COX6B1: variants seen among roughly 807,000 people sequenced by gnomAD.
The protein encoded by COX6B1 is cytochrome c oxidase subunit 6B1.
Under a neutral mutation model 14.0 loss-of-function variants are expected in COX6B1, and 2 were observed. The observed-to-expected ratio is 0.14, with a 90% CI of 0.06 to 0.45. The LOEUF (loss-of-function observed/expected upper bound fraction) is 0.45, where lower values mean the gene tolerates loss of function less well. COX6B1 is among the 20% of genes least tolerant of loss of function. COX6B1 has a pLI of 0.98. For missense variants in COX6B1, 81 were observed against 114.2 expected, an observed-to-expected ratio of 0.71 and a Z score of 1.33; for synonymous variants, 30 against 39.7, an observed-to-expected ratio of 0.76 and a Z score of 0.92.
intron 2 of COX6B1, among the ~76,000 whole-genome samples, chr19:35,652,609 TA>T (rs1967839036): frequency 7.8e-6 from 1 of 127,986 alleles, no homozygotes. Context: ...TAATTTTTTG[TA>T]TTTTTTTTTT....
Position 35,658,768 on chromosome 19 carries a change from T to C in COX6B1, c.*121T>C. The C allele has an allele frequency of 2.1e-6, 2 of 930,488 alleles. No individual in the cohort carries two copies. The highest frequency in any genetic ancestry group is 5.1e-5 in the East Asian group (2 of 39,070). 57.6% of individuals were successfully genotyped at this position (930,488 alleles called of 1,614,324 possible). A position where few individuals can be genotyped will look rare whatever the true frequency, so the allele number is the denominator to read the frequency against. ...TCATGACTTACCTGCTAATAAAAAC[T>C]CATTGGAAAAGTGAGACTATGCGTG... On this transcript the variant is annotated 3_prime_UTR_variant, in exon 4 of 4. Coordinates refer to ENST00000649813, the MANE Select transcript of COX6B1 (RefSeq NM_001863.5).
At chr19:35,654,323 G>A (rs924142500) in intron 2 of COX6B1, among the ~76,000 whole-genome samples, 2 of 152,104 alleles carry the variant, frequency 1.3e-5, no homozygotes, top group Non-Finnish European at 2.9e-5. Context: ...TGGCCAACAT[G>A]GCGAAACCCT....
chr19:35,656,072 T>C (rs1176661025), intron 3 of COX6B1, among the ~76,000 whole-genome samples: 2 of 152,042 alleles, frequency 1.3e-5, no homozygotes, highest in African/African-American at 4.8e-5. Flanking sequence ...CAAAGCAGTC[T>C]GCCTGCCTCA....
At chr19:35,655,004 A>ATTTTTTTTTCTT (rs916876515) in intron 3 of COX6B1, among the ~76,000 whole-genome samples, 4 of 135,604 alleles carry the variant, frequency 2.9e-5, no homozygotes, top group South Asian at 2.4e-4. Flanking sequence ...TATTAGGAAC[A>ATTTTTTTTTCTT]TTTTTTTTTC....
chr19:35,655,418 C>T (rs755127864), intron 3 of COX6B1, among the ~76,000 whole-genome samples: 7 of 152,182 alleles, frequency 4.6e-5, no homozygotes, highest in African/African-American at 7.2e-5. Context: ...GATTTATCCA[C>T]GGTTTCTTCA....
chr19:35,652,560 T>C (rs1487394664), intron 2 of COX6B1, among the ~76,000 whole-genome samples: 1 of 150,644 alleles, frequency 6.6e-6, no homozygotes, highest in Non-Finnish European at 1.5e-5. Flanking sequence ...TCAGCCTCAC[T>C]AGTAGCTGGG....
At chr19:35,650,448 C>T (rs1402618260) in intron 1 of COX6B1, among the ~76,000 whole-genome samples, 1 of 152,010 alleles carries the variant, frequency 6.6e-6, no homozygotes, top group Non-Finnish European at 1.5e-5. Context: ...TTGGTGTCTC[C>T]GTTCTGTAAT....
chr19:35,656,401 T>G (rs980349070), intron 3 of COX6B1, among the ~76,000 whole-genome samples: 10 of 152,112 alleles, frequency 6.6e-5, no homozygotes, highest in African/African-American at 2.4e-4. Flanking sequence ...GATGGAGTTT[T>G]TATGGTGTGG....
intron 1 of COX6B1, among the ~76,000 whole-genome samples, chr19:35,649,548 G>A (rs1967801074): frequency 6.6e-6 from 1 of 150,440 alleles, no homozygotes; most frequent in Non-Finnish European, 1.5e-5. Flanking sequence ...GCACAATCTC[G>A]GCTCACTGCA....
At chr19:35,649,483 T>TC (rs1444577937) in intron 1 of COX6B1, among the ~76,000 whole-genome samples, 2 of 151,192 alleles carry the variant, frequency 1.3e-5, no homozygotes, top group African/African-American at 4.9e-5. Flanking sequence ...ATTTTAATTT[T>TC]TTTTTTTTTT....
chr19:35,658,517 TG>T, intron 3 of COX6B1, 76 bp from the exon 4 acceptor site: 1 of 1,334,370 alleles, frequency 7.5e-7, no homozygotes. Flanking sequence ...AACAAACAGG[TG>T]GGCAAAGTGA....
At chr19:35,652,518 T>C (rs2146370728) in intron 2 of COX6B1, among the ~76,000 whole-genome samples, 1 of 151,800 alleles carries the variant, frequency 6.6e-6, no homozygotes, top group East Asian at 1.9e-4. Flanking sequence ...TGCAACCTCT[T>C]CTGCCTGCTG....
At chr19:35,649,032 C>T (rs1425448781) in intron 1 of COX6B1, 3 of 473,228 alleles carry the variant, frequency 6.3e-6, no homozygotes, top group Non-Finnish European at 8.7e-6. Flanking sequence ...GAATTTGACA[C>T]TGCTCTGCAA....
intron 1 of COX6B1, chr19:35,649,012 T>TG: frequency 2.0e-6 from 1 of 495,840 alleles, no homozygotes; most frequent in Non-Finnish European, 4.2e-6. Flanking sequence ...ACCACCACCT[T>TG]GCGTCGCTTG....
chr19:35,652,418 C>A (rs1967836459), intron 2 of COX6B1, among the ~76,000 whole-genome samples: 2 of 151,782 alleles, frequency 1.3e-5, no homozygotes, highest in African/African-American at 4.8e-5. Context: ...GTTATCACAT[C>A]TTTGTTTTTG....
At chr19:35,652,429 G>T (rs977646618) in intron 2 of COX6B1, among the ~76,000 whole-genome samples, 1 of 151,582 alleles carries the variant, frequency 6.6e-6, no homozygotes, top group African/African-American at 2.4e-5. Context: ...TTTGTTTTTG[G>T]TTTTGGTTTT....
chr19:35,653,055 G>A (rs1439705526), intron 2 of COX6B1, among the ~76,000 whole-genome samples: 39 of 145,066 alleles, frequency 2.7e-4, no homozygotes, highest in African/African-American at 9.0e-4. Flanking sequence ...TGCAACCTCC[G>A]CCTCCCAGCT....
At chr19:35,649,985 C>T (rs542269688) in intron 1 of COX6B1, among the ~76,000 whole-genome samples, 7 of 151,652 alleles carry the variant, frequency 4.6e-5, no homozygotes, top group Admixed American at 1.3e-4. Context: ...TATATTCATT[C>T]ATGATTACTT....
chr19:35,658,031 G>T (rs1967906538), intron 3 of COX6B1, among the ~76,000 whole-genome samples: 2 of 152,068 alleles, frequency 1.3e-5, no homozygotes, highest in African/African-American at 2.4e-5. Flanking sequence ...AGCTCAAGCA[G>T]TCCTCCCACA....
Sources: gnomAD v4.1 joint callset for allele counts (sites outside exome capture counted in the v4.1 genomes callset) on GRCh38, gnomAD v4.1.1 for gene constraint, MANE v1.5 for transcripts, NCBI Gene and HGNC (gene_info 2026-07-23, HGNC 2026-07-21) for gene names.